MSH5: variants seen among roughly 807,000 people sequenced by gnomAD.
MSH5 encodes the protein mutS protein homolog 5.
Under a neutral mutation model 107.7 loss-of-function variants are expected in MSH5, and 78 were observed. The observed-to-expected ratio is 0.72, with a 90% CI of 0.60 to 0.87. MSH5 has a LOEUF of 0.87. Ranked by LOEUF, MSH5 falls within the 40% of genes least tolerant of loss-of-function variation. MSH5 has a pLI of 0.00. For missense variants in MSH5, 889 were observed against 1,046.6 expected (o/e 0.85, Z 2.08); for synonymous variants, 326 against 399.5 (o/e 0.82, Z 2.19).
chr6:31,757,615 T>C (rs1246030217), intron 12 of MSH5: 1 of 154,238 alleles, frequency 6.5e-6, no homozygotes, highest in Non-Finnish European at 1.4e-5. Context: ...CTTCTGCATG[T>C]ATTTCTGTCT....
In MSH5 at chr6:31,760,273, T is replaced by C; in HGVS notation, c.1812+57T>C. ...GCGTCTCCTGCATCTACTCCACCCCTACTTGCCAGCCAACTCAGGCTCCTG... is the reference window on the plus strand; with the variant it reads ...GCGTCTCCTGCATCTACTCCACCCCCACTTGCCAGCCAACTCAGGCTCCTG... On this transcript the variant is annotated intron_variant, in intron 19 of 24. Transcript: ENST00000375750. The surrounding 1 kb of genome is among the most constrained non-coding windows in gnomAD (Gnocchi z 5.6). 6.6e-7 allele frequency: 1 copy of C among 1,519,966 alleles called. No individual in the cohort carries two copies. The highest frequency in any genetic ancestry group is 8.8e-7 in the Non-Finnish European group (1 of 1,138,026). The allele number at this position is 1,519,966 out of a possible 1,614,324, so 94.2% of individuals were successfully genotyped here.
intron 10 of MSH5, among the ~76,000 whole-genome samples, chr6:31,752,697 C>A (rs1483284249): frequency 7.0e-6 from 1 of 142,812 alleles, no homozygotes; most frequent in Non-Finnish European, 1.5e-5. Flanking sequence ...TCCAGCCTGG[C>A]GACAAAGCGA....
chr6:31,747,216 C>T (rs2151346724), intron 9 of MSH5, among the ~76,000 whole-genome samples, 171 bp from the exon 10 acceptor site: 1 of 152,308 alleles, frequency 6.6e-6, no homozygotes, highest in East Asian at 1.9e-4. Context: ...ACGGTAATCC[C>T]AGCTCATATT....
At chr6:31,753,172 A>G (rs1810115128) in intron 10 of MSH5, 129 bp from the exon 11 acceptor site, 2 of 1,185,404 alleles carry the variant, frequency 1.7e-6, no homozygotes, top group Non-Finnish European at 2.4e-6. Context: ...ACTTGCCACT[A>G]CATTCCCATA....
chr6:31,753,524 T>G, intron 11 of MSH5, 43 bp from the exon 12 acceptor site: 1 of 1,613,684 alleles, frequency 6.2e-7, no homozygotes. Flanking sequence ...GGCATTAGAG[T>G]GAGGGAAGAG....
At position 31,759,003 on chromosome 6, in the gene MSH5, G is replaced by T; in HGVS notation, c.1327-94G>T. ...AAGAACATGAACACTTTTTTGTGGGGATACAGGGATCTTTTAAGCTCCCTC... is the reference window on the plus strand; with the variant it reads ...AAGAACATGAACACTTTTTTGTGGGTATACAGGGATCTTTTAAGCTCCCTC... On this transcript the variant is annotated intron_variant, in intron 15 of 24. Coordinates refer to ENST00000375750, the MANE Select transcript of MSH5 (RefSeq NM_172166.4). This position sits in a 1 kb window ranked among gnomAD's most constrained non-coding sequence, Gnocchi z 4.7. The T allele has an allele frequency of 7.1e-7, 1 of 1,415,428 alleles. No individual in the cohort carries two copies. 87.7% of individuals were successfully genotyped at this position (1,415,428 alleles called of 1,614,324 possible). A position where few individuals can be genotyped will look rare whatever the true frequency, so the allele number is the denominator to read the frequency against.
chr6:31,742,917 C>T lies in MSH5; in HGVS notation c.312C>T (p.Ala104=), dbSNP rs1809041308. ...ATCCCCAGTCTGTTGTTACGAGTGC[C>T]AAACAGGATGAGAATATGACTCGAT... ...EINPQSVVTS[A]KQDENMTRFL... The change falls in exon 4 of 25, where the codon GCC becomes GCT. Residue 104 remains alanine, a synonymous_variant. Coordinates refer to ENST00000375750, the MANE Select transcript of MSH5 (RefSeq NM_172166.4). 1 of 1,612,972 alleles carries T rather than the reference C, an allele frequency of 6.2e-7. No individual in the cohort carries two copies. Among genetic ancestry groups the T allele is most frequent in the Non-Finnish European group, 8.5e-7 (1 of 1,180,020 alleles).
At position 31,758,143 on chromosome 6, in the gene MSH5, C is replaced by T. The variant is rs757784701; in HGVS notation, c.1015-22C>T. ...ACCCGAGCTGGATGTGGCCTGTCCT[C>T]CTTTTTGTGTTTCTCTCACAGACTG... On this transcript the variant is annotated intron_variant, in intron 12 of 24. Coordinates refer to ENST00000375750, the MANE Select transcript of MSH5 (RefSeq NM_172166.4). This position sits in a 1 kb window ranked among gnomAD's most constrained non-coding sequence, Gnocchi z 5.1. 2 of 1,612,936 alleles carry T rather than the reference C, an allele frequency of 1.2e-6. No homozygotes were observed. The highest frequency in any genetic ancestry group is 1.7e-6 in the Non-Finnish European group (2 of 1,179,954).
intron 10 of MSH5, among the ~76,000 whole-genome samples, chr6:31,749,864 T>C (rs28381366): frequency 2.9e-3 from 443 of 152,296 alleles, no homozygotes; most frequent in African/African-American, 5.9e-3. Flanking sequence ...GTGGAAACCT[T>C]TGCTAGCCTC....
Position 31,758,626 on chromosome 6 carries a change from T to A in MSH5, c.1216+6T>A, listed in dbSNP as rs761517767. 1.9e-6 allele frequency: 3 copies of A among 1,612,384 alleles called. No homozygotes were observed. The Admixed American group carries it at 5.0e-5, about 27-fold the overall frequency. On this transcript the variant is annotated splice_donor_region_variant and intron_variant, in intron 14 of 24. Transcript: ENST00000375750. This position sits in a 1 kb window ranked among gnomAD's most constrained non-coding sequence, Gnocchi z 5.1. ...AGATCCTGAAATTGATGAGAGTGAG[T>A]GTTGGGTGTGGATGGGCCTGTGAGC...
rs1808707238 is a variant in MSH5, at chr6:31,740,182, C to T, written c.-14+120C>T. ...AGGCAGAGACATAAGACGTGCACGA[C>T]TCGCCCCACAGGGCCCTCAGACCCC... On this transcript the variant is annotated intron_variant, in intron 1 of 24. Transcript: ENST00000375750. This position sits in a 1 kb window ranked among gnomAD's most constrained non-coding sequence, Gnocchi z 4.4. 1 of 357,858 alleles carries T rather than the reference C, an allele frequency of 2.8e-6. No individual in the cohort carries two copies. Among genetic ancestry groups the T allele is most frequent in the Non-Finnish European group, 5.1e-6 (1 of 196,496 alleles). 22.2% of individuals were successfully genotyped at this position (357,858 alleles called of 1,614,324 possible).
rs756460395 is a variant in MSH5, at chr6:31,762,567, T to G, written c.*36T>G. On this transcript the variant is annotated 3_prime_UTR_variant, in exon 25 of 25. Transcript: ENST00000375750. The stretch of plus-strand genomic sequence containing the variant: ...AGTGTCCTCCCCAGCCTCCTGAGAC[T>G]CCGGTGGGCTGCCATGCCCTCTTTG... 1.5e-6 allele frequency: 2 copies of G among 1,353,154 alleles called. No individual in the cohort carries two copies. Among genetic ancestry groups the G allele is most frequent in the Admixed American group, 3.4e-5 (2 of 58,078 alleles). The allele number at this position is 1,353,154 out of a possible 1,614,324, so 83.8% of individuals were successfully genotyped here.
rs1424909115 is a variant in MSH5, at chr6:31,761,796, C to CT, written c.2182-21dup. 4.3e-6 allele frequency: 7 copies of CT among 1,613,012 alleles called. No individual in the cohort carries two copies. The African/African-American group carries it at 6.7e-5, about 15-fold the overall frequency. On this transcript the variant is annotated intron_variant, in intron 22 of 24. Coordinates refer to ENST00000375750, the MANE Select transcript of MSH5 (RefSeq NM_172166.4). This position sits in a 1 kb window ranked among gnomAD's most constrained non-coding sequence, Gnocchi z 5.3. Reference sequence around the variant, plus strand: ...CAGGAAGGAGGTGATTGATGATACACTGTCTTTTATTCTCTTTTAAGACCA... The same window carrying CT: ...CAGGAAGGAGGTGATTGATGATACACTTGTCTTTTATTCTCTTTTAAGACCA...
intron 9 of MSH5, among the ~76,000 whole-genome samples, chr6:31,745,773 T>G (rs1433921336): frequency 1.4e-5 from 2 of 147,502 alleles, no homozygotes; most frequent in Non-Finnish European, 3.0e-5. Flanking sequence ...AGGTTTTTTT[T>G]TTTTTTTTTT....
chr6:31,741,908 G>C (rs1009902855), intron 3 of MSH5, among the ~76,000 whole-genome samples: 3 of 152,124 alleles, frequency 2.0e-5, no homozygotes, highest in Non-Finnish European at 4.4e-5. Flanking sequence ...ACATGGCAGA[G>C]AAGAAGCAAG....
At chr6:31,748,411 C>T (rs530768037) in intron 10 of MSH5, among the ~76,000 whole-genome samples, 2 of 147,538 alleles carry the variant, frequency 1.4e-5, no homozygotes, top group South Asian at 2.2e-4. Context: ...TACAATGGCA[C>T]GATCTCTGCT....
Position 31,741,155 on chromosome 6 carries a change from C to A in MSH5, c.148-8C>A, listed in dbSNP as rs369401570. The A allele has an allele frequency of 6.2e-7, 1 of 1,612,786 alleles. No homozygotes were observed. Among genetic ancestry groups the A allele is most frequent in the South Asian group, 1.1e-5 (1 of 91,068 alleles). ...TAATAGTGATTTCCTTTCTTCCTTG[C>A]TGGACAGATCCATCTGTGTGTGCTG... On this transcript the variant is annotated splice_polypyrimidine_tract_variant and splice_region_variant and intron_variant, in intron 2 of 24. Transcript: ENST00000375750.
rs148479115 is a variant in MSH5, at chr6:31,761,599, C to T, written c.2165C>T (p.Pro722Leu). Residue 722 changes from proline to leucine, a missense_variant, in exon 22 of 25, where the codon CCC becomes CTC. Transcript: ENST00000375750. This position sits in a 1 kb window ranked among gnomAD's most constrained non-coding sequence, Gnocchi z 5.3. Reference sequence around the variant, plus strand: ...CAGCTACAACTGCTGCCACAAGGGCCCCTGGTGCAGTATTTGGTGAGGAGA... The same window carrying T: ...CAGCTACAACTGCTGCCACAAGGGCTCCTGGTGCAGTATTTGGTGAGGAGA... ...LVQLQLLPQGPLVQYLTMETC... is the reference protein window; with the variant it reads ...LVQLQLLPQGLLVQYLTMETC... 48 of 1,613,988 alleles carry T rather than the reference C, an allele frequency of 3.0e-5. No individual in the cohort carries two copies. The highest frequency in any genetic ancestry group is 2.8e-4 in the African/African-American group (21 of 74,918).
chr6:31,758,493 C>T lies in MSH5; in HGVS notation c.1144-55C>T, dbSNP rs767104807. On this transcript the variant is annotated intron_variant, in intron 13 of 24. Coordinates refer to ENST00000375750, the MANE Select transcript of MSH5 (RefSeq NM_172166.4). The surrounding 1 kb of genome is among the most constrained non-coding windows in gnomAD (Gnocchi z 5.1). ...AGGGAGAATTGGGGCCCAAGGAGAG[C>T]TGAGGAACAGGACAGAGGGTGCCAG... is the stretch of plus-strand genomic sequence containing the variant. 1 of 1,600,848 alleles carries T rather than the reference C, an allele frequency of 6.2e-7. No individual in the cohort carries two copies. Among genetic ancestry groups the T allele is most frequent in the Non-Finnish European group, 8.6e-7 (1 of 1,169,424 alleles).
Sources: gnomAD v4.1 joint callset for allele counts (sites outside exome capture counted in the v4.1 genomes callset) on GRCh38, gnomAD v4.1.1 for gene constraint, Gnocchi (gnomAD v3.1) non-coding constraint, MANE v1.5 for transcripts, NCBI Gene and HGNC (gene_info 2026-07-23, HGNC 2026-07-21) for gene names.